The following TPST1 variants were observed in gnomAD, a reference collection of about 807,000 sequenced individuals.
The protein encoded by TPST1 is protein-tyrosine sulfotransferase 1.
Under a neutral mutation model 34.8 loss-of-function variants are expected in TPST1, and 20 were observed. The ratio of observed to expected loss-of-function variants is 0.57; its 90% CI spans 0.40 to 0.84. The LOEUF is 0.84. Ranked by LOEUF, TPST1 falls within the 40% of genes least tolerant of loss-of-function variation. The pLI, the probability that TPST1 is intolerant of heterozygous loss-of-function variation, is 0.00. For synonymous variants in TPST1, 152 were observed against 159.4 expected (o/e 0.95, Z 0.35); for missense variants, 353 against 455.5 (o/e 0.78, Z 2.05).
At chr7:66,298,160 G>A (rs956716512) in intron 3 of TPST1, among the ~76,000 whole-genome samples, 74 of 152,236 alleles carry the variant, frequency 4.9e-4, no homozygotes, top group African/African-American at 1.7e-3. Context: ...TGTGATTGTT[G>A]CAGAGTTCTG....
intron 3 of TPST1, among the ~76,000 whole-genome samples, chr7:66,287,202 G>A (rs1167262425): frequency 8.9e-6 from 1 of 111,942 alleles, no homozygotes; most frequent in Non-Finnish European, 1.8e-5. Context: ...TTTTATGGCT[G>A]CATAGTATTC....
intron 3 of TPST1, among the ~76,000 whole-genome samples, chr7:66,299,125 CAA>C (rs34928553): frequency 7.3e-4 from 100 of 137,420 alleles, no homozygotes; most frequent in Admixed American, 1.0e-3. Flanking sequence ...GACACCGTCT[CAA>C]AAAAAAAAAA....
intron 2 of TPST1, among the ~76,000 whole-genome samples, chr7:66,280,128 A>G (rs1479219537): frequency 6.6e-6 from 1 of 152,198 alleles, no homozygotes; most frequent in Non-Finnish European, 1.5e-5. Flanking sequence ...CTGGCACCAA[A>G]GGACAGCTTG....
chr7:66,302,457 AC>A (rs1187618107), intron 3 of TPST1, among the ~76,000 whole-genome samples: 1 of 152,196 alleles, frequency 6.6e-6, no homozygotes, highest in Non-Finnish European at 1.5e-5. Context: ...TCCCACCAGC[AC>A]TTACTAAGAT....
intron 3 of TPST1, 103 bp downstream of exon 3, chr7:66,286,812 AATAT>A (rs200363351): frequency 1.1e-5 from 3 of 284,814 alleles, no homozygotes; most frequent in Non-Finnish European, 1.5e-5. Flanking sequence ...TGATCAGAAA[AATAT>A]ATTTTTTTTT....
At chr7:66,355,867 T>C (rs891036946) in intron 4 of TPST1, among the ~76,000 whole-genome samples, 3 of 137,686 alleles carry the variant, frequency 2.2e-5, no homozygotes, top group Non-Finnish European at 4.5e-5. Flanking sequence ...ATTGCGCCAC[T>C]GCATTCCAAC....
chr7:66,318,842 T>C (rs551126983), intron 3 of TPST1, among the ~76,000 whole-genome samples: 1 of 152,358 alleles, frequency 6.6e-6, no homozygotes. Context: ...TTCACTCTAA[T>C]TCTTGAAATG....
At chr7:66,212,116 T>C (rs181781879) in intron 1 of TPST1, among the ~76,000 whole-genome samples, 6 of 152,354 alleles carry the variant, frequency 3.9e-5, no homozygotes, top group Admixed American at 2.0e-4. Context: ...CTTTAGAAGA[T>C]ACTATTTAAA....
At chr7:66,319,190 CCA>C (rs1791698958) in intron 3 of TPST1, among the ~76,000 whole-genome samples, 1 of 152,018 alleles carries the variant, frequency 6.6e-6, no homozygotes, top group Non-Finnish European at 1.5e-5. Context: ...CCTTTGAACT[CCA>C]GTTATTTGAA....
chr7:66,353,538 A>G (rs1792522690), intron 4 of TPST1, among the ~76,000 whole-genome samples: 1 of 152,144 alleles, frequency 6.6e-6, no homozygotes. Flanking sequence ...TTGCATTCCA[A>G]TCCTGTTTCC....
At chr7:66,342,077 G>T (rs573599266) in intron 3 of TPST1, among the ~76,000 whole-genome samples, 2 of 152,220 alleles carry the variant, frequency 1.3e-5, no homozygotes, top group Non-Finnish European at 2.9e-5. Flanking sequence ...TAGAGAAAAC[G>T]AACAGCAGGA....
chr7:66,261,265 G>A (rs1790483707), intron 2 of TPST1, among the ~76,000 whole-genome samples: 1 of 144,738 alleles, frequency 6.9e-6, no homozygotes, highest in Non-Finnish European at 1.5e-5. Context: ...TTTCGGGTTG[G>A]ATTACTTTGA....
chr7:66,215,689 TAAG>T (rs1789386528), intron 1 of TPST1, among the ~76,000 whole-genome samples: 1 of 151,676 alleles, frequency 6.6e-6, no homozygotes, highest in East Asian at 1.9e-4. Flanking sequence ...TATATATTTT[TAAG>T]AAGAATTAGT....
chr7:66,263,686 A>G (rs1212710325), intron 2 of TPST1, among the ~76,000 whole-genome samples: 1 of 152,254 alleles, frequency 6.6e-6, no homozygotes, highest in East Asian at 1.9e-4. Context: ...ACAGCATTGT[A>G]AATTCTAAGT....
intron 2 of TPST1, among the ~76,000 whole-genome samples, chr7:66,245,273 G>C (rs1790123630): frequency 6.6e-6 from 1 of 152,210 alleles, no homozygotes; most frequent in Admixed American, 6.5e-5. Context: ...GTGGGGAATA[G>C]AGATTGGACT....
chr7:66,224,307 A>G (rs1789604658), intron 1 of TPST1, among the ~76,000 whole-genome samples: 1 of 152,236 alleles, frequency 6.6e-6, no homozygotes, highest in African/African-American at 2.4e-5. Flanking sequence ...CCTTTTGCTA[A>G]CAGGCTAGAA....
intron 3 of TPST1, among the ~76,000 whole-genome samples, chr7:66,341,970 A>G (rs944174606): frequency 1.3e-5 from 2 of 152,196 alleles, no homozygotes; most frequent in African/African-American, 2.4e-5. Flanking sequence ...AACAAAAAGA[A>G]AAAACAAGAG....
chr7:66,207,455 G>A (rs373006821), intron 1 of TPST1, among the ~76,000 whole-genome samples: 15 of 152,274 alleles, frequency 9.9e-5, no homozygotes, highest in African/African-American at 3.1e-4. Flanking sequence ...GAAAGCTAAC[G>A]TCTTTGATCT....
intron 3 of TPST1, among the ~76,000 whole-genome samples, chr7:66,287,165 C>T (rs1791062435): frequency 7.4e-6 from 1 of 135,382 alleles, no homozygotes; most frequent in Non-Finnish European, 1.6e-5. Flanking sequence ...TCATCCATGT[C>T]CCTACAAAGG....
Sources: gnomAD v4.1 joint callset for allele counts (sites outside exome capture counted in the v4.1 genomes callset) on GRCh38, gnomAD v4.1.1 for gene constraint, MANE v1.5 for transcripts, NCBI Gene and HGNC (gene_info 2026-07-23, HGNC 2026-07-21) for gene names.